Variants in BMAL1 observed in about 807,000 individuals in gnomAD.
BMAL1 encodes the protein basic helix-loop-helix ARNT like 1.
chr11:13,303,647 G>T, the BMAL1 span, among the ~76,000 whole-genome samples: 12 of 152,196 alleles, frequency 7.9e-5, no homozygotes, highest in South Asian at 4.1e-4. Flanking sequence ...CTTTTATCCT[G>T]TGTCTCTGCC....
chr11:13,302,564 T>A, the BMAL1 span, among the ~76,000 whole-genome samples: 1 of 152,208 alleles, frequency 6.6e-6, no homozygotes, highest in South Asian at 2.1e-4. Flanking sequence ...CCTGGAAAAT[T>A]GGGCCCATGT....
the BMAL1 span, among the ~76,000 whole-genome samples, chr11:13,363,545 T>A: frequency 1.3e-5 from 2 of 152,166 alleles, no homozygotes; most frequent in Non-Finnish European, 2.9e-5. Context: ...TCAGATGATG[T>A]TCAGACAGTT....
chr11:13,354,209 C>CCCCCA, the BMAL1 span: 2 of 1,013,922 alleles, frequency 2.0e-6, no homozygotes, highest in Non-Finnish European at 2.7e-6. Flanking sequence ...GGCCCCCCAC[C>CCCCCA]ACCAAACCCC....
chr11:13,296,003 C>T, the BMAL1 span, among the ~76,000 whole-genome samples: 4 of 152,142 alleles, frequency 2.6e-5, no homozygotes, highest in Non-Finnish European at 4.4e-5. Context: ...TCTTGATTAC[C>T]AGTGCTCACA....
At chr11:13,335,025 C>T in the BMAL1 span, among the ~76,000 whole-genome samples, 4 of 152,318 alleles carry the variant, frequency 2.6e-5, no homozygotes, top group Non-Finnish European at 5.9e-5. Flanking sequence ...AAGTGAGGGA[C>T]CCTCGGGCAT....
the BMAL1 span, among the ~76,000 whole-genome samples, chr11:13,362,135 C>T: frequency 0.14 from 20,957 of 152,118 alleles, 1,985 homozygotes; most frequent in East Asian, 0.53. Flanking sequence ...TGCATTTGCT[C>T]GATTCCTTCC....
At chr11:13,298,232 C>T in the BMAL1 span, among the ~76,000 whole-genome samples, 1 of 152,242 alleles carries the variant, frequency 6.6e-6, no homozygotes, top group South Asian at 2.1e-4. Context: ...TCTAGCTCCA[C>T]TCCAGCCACA....
the BMAL1 span, among the ~76,000 whole-genome samples, chr11:13,314,987 C>T: frequency 6.6e-6 from 1 of 152,190 alleles, no homozygotes; most frequent in Non-Finnish European, 1.5e-5. Context: ...TCATTCAGTG[C>T]CTTAAGCTTG....
the BMAL1 span, chr11:13,366,889 T>C: frequency 1.4e-6 from 1 of 694,198 alleles, no homozygotes; most frequent in Non-Finnish European, 2.4e-6. Flanking sequence ...TTTCCAGTCC[T>C]ACTTCTCTGT....
chr11:13,347,365 A>T, the BMAL1 span, among the ~76,000 whole-genome samples: 1 of 152,176 alleles, frequency 6.6e-6, no homozygotes, highest in Non-Finnish European at 1.5e-5. Context: ...TGGGCAACAG[A>T]GTGAGACCCT....
the BMAL1 span, among the ~76,000 whole-genome samples, chr11:13,377,372 T>C: frequency 6.6e-6 from 1 of 152,178 alleles, no homozygotes; most frequent in African/African-American, 2.4e-5. Flanking sequence ...CCTACCTGAT[T>C]GGTTGTTTAA....
At chr11:13,384,821 G>A in the BMAL1 span, among the ~76,000 whole-genome samples, 2 of 152,016 alleles carry the variant, frequency 1.3e-5, no homozygotes, top group Non-Finnish European at 2.9e-5. Context: ...AACATGTAGC[G>A]GGTTTATTAC....
At chr11:13,290,838 C>T in the BMAL1 span, among the ~76,000 whole-genome samples, 8 of 152,172 alleles carry the variant, frequency 5.3e-5, no homozygotes, top group East Asian at 9.6e-4. Context: ...GTTCTTCTTT[C>T]TCTCTTTTCC....
At chr11:13,381,998 A>G in the BMAL1 span, among the ~76,000 whole-genome samples, 1 of 152,216 alleles carries the variant, frequency 6.6e-6, no homozygotes, top group African/African-American at 2.4e-5. Flanking sequence ...AGAGAATATC[A>G]GGAATTTCCA....
chr11:13,357,189 G>A, the BMAL1 span: 1 of 1,553,530 alleles, frequency 6.4e-7, no homozygotes, highest in Non-Finnish European at 8.7e-7. This position sits in a 1 kb window ranked among gnomAD's most constrained non-coding sequence, Gnocchi z 4.8. Flanking sequence ...TCCTGTCTAA[G>A]AGTTCTGTTG....
At chr11:13,384,548 T>A in the BMAL1 span, among the ~76,000 whole-genome samples, 1 of 152,198 alleles carries the variant, frequency 6.6e-6, no homozygotes, top group African/African-American at 2.4e-5. Context: ...CAAAAAAGAA[T>A]ACAATTATTT....
chr11:13,362,325 T>C, the BMAL1 span, among the ~76,000 whole-genome samples: 1 of 152,132 alleles, frequency 6.6e-6, no homozygotes, highest in African/African-American at 2.4e-5. Context: ...TTAGGTCAGG[T>C]TTTTTACATC....
chr11:13,328,628 G>A, the BMAL1 span, among the ~76,000 whole-genome samples: 2 of 152,226 alleles, frequency 1.3e-5, no homozygotes, highest in African/African-American at 4.8e-5. Flanking sequence ...TATGCTGCCA[G>A]TGTCCTCTGT....
the BMAL1 span, among the ~76,000 whole-genome samples, chr11:13,325,694 T>TGTGTGG: frequency 1.3e-5 from 2 of 151,578 alleles, no homozygotes; most frequent in Non-Finnish European, 2.9e-5. Context: ...TGTGTGTGTG[T>TGTGTGG]GGGCTTGAAT....
Sources: gnomAD v4.1 joint callset for allele counts (sites outside exome capture counted in the v4.1 genomes callset) on GRCh38, gnomAD v4.1.1 for gene constraint, Gnocchi (gnomAD v3.1) non-coding constraint, MANE v1.5 for transcripts, NCBI Gene and HGNC (gene_info 2026-07-23, HGNC 2026-07-21) for gene names.